Variants in EEA1 observed in about 807,000 individuals in gnomAD.
The protein encoded by EEA1 is early endosome antigen 1, 162kD.
Under a neutral mutation model 209.2 loss-of-function variants are expected in EEA1, and 111 were observed. The ratio of observed to expected loss-of-function variants is 0.53; its 90% CI spans 0.45 to 0.62. EEA1 has a LOEUF of 0.62. Ranked by LOEUF, EEA1 falls within the 20% of genes least tolerant of loss-of-function variation. The pLI is 0.00. For synonymous variants in EEA1, 536 were observed against 540.6 expected (o/e 0.99, Z 0.12); for missense variants, 1,343 against 1,530.8 (o/e 0.88, Z 2.05).
intron 3 of EEA1, among the ~76,000 whole-genome samples, chr12:92,862,060 G>T (rs1878177924): frequency 6.6e-6 from 1 of 152,116 alleles, no homozygotes; most frequent in African/African-American, 2.4e-5. Context: ...AAGCAAAAAG[G>T]TTTCATGACC....
At chr12:92,833,308 T>G (rs1876748123) in intron 10 of EEA1, among the ~76,000 whole-genome samples, 1 of 152,200 alleles carries the variant, frequency 6.6e-6, no homozygotes, top group Admixed American at 6.5e-5. Flanking sequence ...ACCTATTGAT[T>G]GCATCTTTTT....
In EEA1 at chr12:92,921,874, A is replaced by AC. The variant is rs1469955288; in HGVS notation, c.24+7168_24+7169insG. On this transcript the variant is annotated intron_variant, in intron 1 of 28. Coordinates refer to ENST00000322349, the MANE Select transcript of EEA1 (RefSeq NM_003566.4). ...AGAGCAAGACTCTGTCTCAAAAAAA[A>AC]AAAAAAAAAAAAGAAAAAAAGAAAA... 2.4e-3 allele frequency among the ~76,000 whole-genome samples: 364 copies of AC among 149,010 alleles called. 1 individual carries two copies. The highest frequency in any genetic ancestry group is 4.4e-3 in the Non-Finnish European group (297 of 67,108).
intron 2 of EEA1, among the ~76,000 whole-genome samples, chr12:92,875,240 A>T (rs530811227): frequency 1.3e-5 from 2 of 152,252 alleles, no homozygotes; most frequent in East Asian, 3.9e-4. Context: ...TCACAAGGTC[A>T]AGAGATCAAG....
intron 3 of EEA1, among the ~76,000 whole-genome samples, chr12:92,860,451 T>C (rs150373881): frequency 5.3e-4 from 81 of 152,312 alleles, no homozygotes; most frequent in African/African-American, 1.7e-3. Flanking sequence ...CCCTTCATAC[T>C]TGAACATTTT....
intron 3 of EEA1, among the ~76,000 whole-genome samples, chr12:92,861,792 G>A (rs527479424): frequency 1.3e-5 from 2 of 151,620 alleles, no homozygotes; most frequent in Non-Finnish European, 2.9e-5. Context: ...ATAGATATAA[G>A]CATATGAATA....
chr12:92,870,206 CTA>C (rs1878578734), intron 2 of EEA1, among the ~76,000 whole-genome samples: 2 of 152,118 alleles, frequency 1.3e-5, no homozygotes, highest in African/African-American at 4.8e-5. Flanking sequence ...TGTCAAATAA[CTA>C]AATGTTGTTA....
intron 4 of EEA1, 22 bp from the exon 5 acceptor site, chr12:92,857,362 T>A: frequency 6.4e-7 from 1 of 1,564,878 alleles, no homozygotes; most frequent in Non-Finnish European, 8.6e-7. Flanking sequence ...GATTTTTAAT[T>A]AGTAAATTTA....
At position 92,914,848 on chromosome 12, in the gene EEA1, C is replaced by A. The variant is rs145117966; in HGVS notation, c.24+14195G>T. ...CCAACTAATTTTTGTCTTTTCAGTA[C>A]AGATGGGGTTTTGCCACATTGGCCA... On this transcript the variant is annotated intron_variant, in intron 1 of 28. Coordinates refer to ENST00000322349, the MANE Select transcript of EEA1 (RefSeq NM_003566.4). Among the ~76,000 whole-genome samples, 19 of 152,044 alleles carry A rather than the reference C, an allele frequency of 1.2e-4. No individual in the cohort carries two copies. The East Asian group carries it at 3.3e-3, about 26-fold the overall frequency.
chr12:92,915,170 CA>C (rs1880719987), intron 1 of EEA1, among the ~76,000 whole-genome samples: 1 of 152,044 alleles, frequency 6.6e-6, no homozygotes, highest in South Asian at 2.1e-4. Flanking sequence ...GACCTAGAAT[CA>C]AAATTTAAAA....
chr12:92,826,040 T>C, intron 13 of EEA1, 126 bp downstream of exon 13: 1 of 1,005,028 alleles, frequency 9.9e-7, no homozygotes. Flanking sequence ...AAGTATTTTG[T>C]ACTTTCTAGT....
chr12:92,929,170 C>G lies in EEA1; in HGVS notation c.-104G>C. ...CGGGAGGGACTGGGCCGGGAGGGGA[C>G]CGGGAAGGAGGTCGGGGCGAGGCGG... On this transcript the variant is annotated 5_prime_UTR_variant, in exon 1 of 29. Transcript: ENST00000322349. 8.0e-7 allele frequency: 1 copy of G among 1,254,414 alleles called. No individual in the cohort carries two copies. Among genetic ancestry groups the G allele is most frequent in the South Asian group, 1.4e-5 (1 of 72,748 alleles). The allele number at this position is 1,254,414 out of a possible 1,614,324, so 77.7% of individuals were successfully genotyped here.
At chr12:92,846,010 C>T (rs1877375510) in intron 9 of EEA1, among the ~76,000 whole-genome samples, 1 of 151,982 alleles carries the variant, frequency 6.6e-6, no homozygotes, top group Non-Finnish European at 1.5e-5. Context: ...AAAAACTTTA[C>T]AAAATAAGGA....
chr12:92,790,991 T>C (rs182172453), intron 21 of EEA1, among the ~76,000 whole-genome samples: 133 of 152,250 alleles, frequency 8.7e-4, no homozygotes, highest in African/African-American at 3.1e-3. Context: ...AGAAAACAAT[T>C]TTCAACCCAG....
intron 1 of EEA1, among the ~76,000 whole-genome samples, chr12:92,895,638 C>T (rs533104192): frequency 2.5e-4 from 38 of 152,202 alleles, no homozygotes; most frequent in African/African-American, 7.9e-4. Context: ...ACATCCATTC[C>T]GCAGCCTATG....
intron 6 of EEA1, among the ~76,000 whole-genome samples, chr12:92,853,402 T>C (rs562569222): frequency 1.3e-5 from 2 of 152,134 alleles, no homozygotes; most frequent in Non-Finnish European, 1.5e-5. Context: ...TGATCTTAAA[T>C]TCCTGGGTTC....
intron 22 of EEA1, among the ~76,000 whole-genome samples, chr12:92,783,302 T>C (rs1450729191): frequency 2.6e-5 from 4 of 152,164 alleles, no homozygotes; most frequent in Admixed American, 2.6e-4. Context: ...TGGTGTCTGC[T>C]TCTTGGTGTG....
At chr12:92,815,577 T>G (rs993997404) in intron 15 of EEA1, among the ~76,000 whole-genome samples, 2 of 152,222 alleles carry the variant, frequency 1.3e-5, no homozygotes, top group Non-Finnish European at 2.9e-5. Context: ...TATAAATTTC[T>G]ATTCTATATC....
intron 16 of EEA1, among the ~76,000 whole-genome samples, chr12:92,812,671 A>AG (rs1875576744): frequency 6.6e-6 from 1 of 152,202 alleles, no homozygotes; most frequent in Non-Finnish European, 1.5e-5. Context: ...GGGATGGGGC[A>AG]ACAATTCAAA....
rs115762426 is a variant in EEA1, at chr12:92,822,196, C to G, written c.1525-2685G>C. Among the ~76,000 whole-genome samples the G allele has an allele frequency of 4.2e-3, 632 of 152,108 alleles. 4 individuals are homozygous for G. Among genetic ancestry groups the G allele is most frequent in the African/African-American group, 0.014 (592 of 41,474 alleles). On this transcript the variant is annotated intron_variant, in intron 13 of 28. Coordinates refer to ENST00000322349, the MANE Select transcript of EEA1 (RefSeq NM_003566.4). The stretch of plus-strand genomic sequence containing the variant: ...GCCTCTCCCCCAATATCCTTAATAA[C>G]TCCCTCCCTATGAATCCCTTTGTCC...
Sources: allele counts gnomAD v4.1 joint callset (sites outside exome capture counted in the v4.1 genomes callset), GRCh38; gene constraint gnomAD v4.1.1; transcripts MANE v1.5; gene names NCBI Gene and HGNC (gene_info 2026-07-23, HGNC 2026-07-21).